The following SESN3 variants were observed in gnomAD, a reference collection of about 807,000 sequenced individuals.
SESN3 encodes sestrin-3.
SESN3 carries 21 observed loss-of-function variants against 55.3 expected under a neutral mutation model. The ratio of observed to expected loss-of-function variants is 0.38; its 90% CI spans 0.27 to 0.55. The LOEUF (loss-of-function observed/expected upper bound fraction) is 0.55. SESN3 is among the 20% of genes least tolerant of loss of function. The pLI is 0.76. For missense variants in SESN3, 408 were observed against 604.3 expected, an observed-to-expected ratio of 0.68 and a Z score of 3.41; for synonymous variants, 181 against 203.1, an observed-to-expected ratio of 0.89 and a Z score of 0.93.
chr11:95,166,373 T>C lies in SESN3; in HGVS notation c.*6882A>G, dbSNP rs1400287125. 1 of 152,150 alleles carries C rather than the reference T, an allele frequency of 6.6e-6. No homozygotes were observed. Among genetic ancestry groups the C allele is most frequent in the African/African-American group, 2.4e-5 (1 of 41,428 alleles). 9.4% of individuals were successfully genotyped at this position (152,150 alleles called of 1,614,324 possible). ...TACCAAGAAACGCAAATGATAATTC[T>C]GTATTAATACTGATGAATTAAAGAG... On this transcript the variant is annotated 3_prime_UTR_variant, in exon 10 of 10. Coordinates refer to ENST00000536441, the MANE Select transcript of SESN3 (RefSeq NM_144665.4).
chr11:95,217,065 C>T (rs1860772284), intron 1 of SESN3, among the ~76,000 whole-genome samples: 1 of 148,686 alleles, frequency 6.7e-6, no homozygotes, highest in Non-Finnish European at 1.5e-5. Flanking sequence ...ACGATCATGT[C>T]ACTGCACTCC....
At chr11:95,212,406 A>G (rs1485068445) in intron 1 of SESN3, among the ~76,000 whole-genome samples, 1 of 152,104 alleles carries the variant, frequency 6.6e-6, no homozygotes, top group African/African-American at 2.4e-5. Context: ...GTCTTCAAAA[A>G]TCCTAGCATA....
intron 8 of SESN3, among the ~76,000 whole-genome samples, chr11:95,176,815 A>G (rs1433984575): frequency 6.6e-6 from 1 of 152,110 alleles, no homozygotes; most frequent in African/African-American, 2.4e-5. Flanking sequence ...GGTAGATATG[A>G]TATATATGTG....
In SESN3 at chr11:95,173,119, A is replaced by AAC; in HGVS notation, c.*135_*136insGT. On this transcript the variant is annotated 3_prime_UTR_variant, in exon 10 of 10. Coordinates refer to ENST00000536441, the MANE Select transcript of SESN3 (RefSeq NM_144665.4). ...ATTGCACATTACAGCCGCAAAAAAC[A>AAC]AAAAAAAAAAAACAAACGGCTAAAC... The AAC allele has an allele frequency of 3.8e-6, 1 of 263,700 alleles. No homozygotes were observed. Among genetic ancestry groups the AAC allele is most frequent in the Admixed American group, 5.2e-5 (1 of 19,220 alleles). 16.3% of individuals were successfully genotyped at this position (263,700 alleles called of 1,614,324 possible).
At chr11:95,224,513 T>A in intron 1 of SESN3, 2 of 429,000 alleles carry the variant, frequency 4.7e-6, no homozygotes, top group Non-Finnish European at 9.2e-6. Flanking sequence ...CCCCAATTAA[T>A]AATGTCTTTC....
intron 8 of SESN3, 100 bp from the exon 9 acceptor site, chr11:95,175,742 A>G: frequency 1.1e-6 from 1 of 951,494 alleles, no homozygotes. Flanking sequence ...TAAATACTAA[A>G]AGCTCGTTAA....
At chr11:95,212,924 C>T (rs951833409) in intron 1 of SESN3, among the ~76,000 whole-genome samples, 68 of 152,232 alleles carry the variant, frequency 4.5e-4, no homozygotes, top group African/African-American at 1.4e-3. Context: ...GCTCTCTGTA[C>T]TATCCATCAC....
intron 1 of SESN3, among the ~76,000 whole-genome samples, chr11:95,216,404 T>G (rs989144343): frequency 5.3e-5 from 8 of 152,242 alleles, no homozygotes; most frequent in Non-Finnish European, 5.9e-5. Flanking sequence ...TGGCACTTTT[T>G]ATGAATGATA....
In SESN3 at chr11:95,171,850, T is replaced by A. The variant is rs539945776; in HGVS notation, c.*1405A>T. 19 of 152,258 alleles carry A rather than the reference T, an allele frequency of 1.2e-4. No individual in the cohort carries two copies. The highest frequency in any genetic ancestry group is 9.2e-4 in the Admixed American group (14 of 15,284). 9.4% of individuals were successfully genotyped at this position (152,258 alleles called of 1,614,324 possible). A position where few individuals can be genotyped will look rare whatever the true frequency, so the allele number is the denominator to read the frequency against. On this transcript the variant is annotated 3_prime_UTR_variant, in exon 10 of 10. Coordinates refer to ENST00000536441, the MANE Select transcript of SESN3 (RefSeq NM_144665.4). ...AATACAAATTAAAGCTATAAACACA[T>A]AATGTGCTCTCTGAAGATAGTCTAA... is the stretch of plus-strand genomic sequence containing the variant.
In SESN3 at chr11:95,185,326, T is replaced by G; in HGVS notation, c.692A>C (p.Asn231Thr). 6.2e-7 allele frequency: 1 copy of G among 1,613,052 alleles called. No individual in the cohort carries two copies. The highest frequency in any genetic ancestry group is 8.5e-7 in the Non-Finnish European group (1 of 1,179,410). Residue 231 changes from asparagine to threonine, a missense_variant, in exon 5 of 10, where the codon AAT becomes ACT. Physicochemically the swap from Asn to Thr is moderately conservative, Grantham distance 65. Coordinates refer to ENST00000536441, the MANE Select transcript of SESN3 (RefSeq NM_144665.4). ...SNGFRLISVN[N>T]FCVCDLANDN... ...ATTAGCAAGATCACAAACGCAGAAA[T>G]TGTTGACTGATATTAGCCTGAATCC... is the stretch of plus-strand genomic sequence containing the variant.
intron 1 of SESN3, among the ~76,000 whole-genome samples, chr11:95,209,850 C>T (rs984972508): frequency 6.7e-6 from 1 of 150,198 alleles, no homozygotes; most frequent in African/African-American, 2.4e-5. Flanking sequence ...AACCCCGTCT[C>T]TACTAAAAAT....
intron 1 of SESN3, among the ~76,000 whole-genome samples, chr11:95,197,883 G>A (rs145815251): frequency 1.3e-5 from 2 of 152,064 alleles, no homozygotes; most frequent in African/African-American, 2.4e-5. Context: ...GCTCTTCTCC[G>A]CCCTCCAGTC....
Position 95,173,128 on chromosome 11 carries a change from A to C in SESN3, c.*127T>G, listed in dbSNP as rs765138028. The stretch of plus-strand genomic sequence containing the variant: ...TACAGCCGCAAAAAACAAAAAAAAA[A>C]AAACAAACGGCTAAACTTTGACACT... On this transcript the variant is annotated 3_prime_UTR_variant, in exon 10 of 10. Coordinates refer to ENST00000536441, the MANE Select transcript of SESN3 (RefSeq NM_144665.4). 9.2e-6 allele frequency: 5 copies of C among 544,546 alleles called. No homozygotes were observed. The highest frequency in any genetic ancestry group is 2.8e-5 in the East Asian group (1 of 36,310). The allele number at this position is 544,546 out of a possible 1,614,324, so 33.7% of individuals were successfully genotyped here. A position where few individuals can be genotyped will look rare whatever the true frequency, so the allele number is the denominator to read the frequency against.
chr11:95,178,151 C>T (rs560991518), intron 7 of SESN3, among the ~76,000 whole-genome samples: 165 of 152,312 alleles, frequency 1.1e-3, no homozygotes, highest in Non-Finnish European at 1.5e-3. Context: ...ATCTCCTACA[C>T]TCAGGTACTA....
chr11:95,177,709 A>G lies in SESN3; in HGVS notation c.1247+10T>C. On this transcript the variant is annotated intron_variant, in intron 8 of 9. Coordinates refer to ENST00000536441, the MANE Select transcript of SESN3 (RefSeq NM_144665.4). ...AGAAATGTAAAAAACTGTCTCTACAATGAACATACCTGATTCCAAACATAC... is the reference window on the plus strand; with the variant it reads ...AGAAATGTAAAAAACTGTCTCTACAGTGAACATACCTGATTCCAAACATAC... 2 of 1,590,036 alleles carry G rather than the reference A, an allele frequency of 1.3e-6. No individual in the cohort carries two copies. Among genetic ancestry groups the G allele is most frequent in the South Asian group, 2.3e-5 (2 of 87,218 alleles).
intron 1 of SESN3, among the ~76,000 whole-genome samples, chr11:95,196,385 A>C (rs773772106): frequency 1.3e-5 from 2 of 152,118 alleles, no homozygotes; most frequent in African/African-American, 2.4e-5. Flanking sequence ...CCACTTTTCT[A>C]TCTCTGCATG....
rs557261340 is a variant in SESN3 at position 95,169,698 on chromosome 11, G to A, written c.*3557C>T. The A allele has an allele frequency of 6.6e-6, 1 of 152,054 alleles. No individual in the cohort carries two copies. The highest frequency in any genetic ancestry group is 6.6e-5 in the Admixed American group (1 of 15,256). The allele number at this position is 152,054 out of a possible 1,614,324, so 9.4% of individuals were successfully genotyped here. ...CATGCACCCTCCCTCCACTAAAAATGGTGTACTATTTTAAGTACAGATCTT... is the reference window on the plus strand; with the variant it reads ...CATGCACCCTCCCTCCACTAAAAATAGTGTACTATTTTAAGTACAGATCTT... On this transcript the variant is annotated 3_prime_UTR_variant, in exon 10 of 10. Transcript: ENST00000536441.
intron 6 of SESN3, among the ~76,000 whole-genome samples, chr11:95,179,448 T>C (rs1242510751): frequency 6.6e-6 from 1 of 152,108 alleles, no homozygotes; most frequent in Non-Finnish European, 1.5e-5. Context: ...GGTTTTGTTT[T>C]TATCTCTCCA....
At chr11:95,182,104 G>C in intron 6 of SESN3, 1 of 308,968 alleles carries the variant, frequency 3.2e-6, no homozygotes, top group South Asian at 2.8e-5. Context: ...TTTGAAGGCT[G>C]TAGTCCCAGC....
Sources: allele counts gnomAD v4.1 joint callset (sites outside exome capture counted in the v4.1 genomes callset), GRCh38; gene constraint gnomAD v4.1.1; transcripts MANE v1.5; gene names NCBI Gene and HGNC (gene_info 2026-07-23, HGNC 2026-07-21).